Variants in NRG1 observed in about 807,000 individuals in gnomAD.
NRG1 encodes the protein pro-neuregulin-1, membrane-bound isoform.
A neutral mutation model predicts 63.8 loss-of-function variants in NRG1; 18 were observed. That is an observed-to-expected ratio of 0.28 (90% CI 0.19 to 0.42). The LOEUF (loss-of-function observed/expected upper bound fraction) is 0.42. Among genes scored for constraint, NRG1 ranks in the 10% least tolerant of loss-of-function variants. The pLI is 1.00. For synonymous variants in NRG1, 302 were observed against 301.3 expected (o/e 1.00, Z -0.02); for missense variants, 762 against 814.7 (o/e 0.94, Z 0.79).
At chr8:31,894,616 T>A (rs940333228) in intron 1 of NRG1, among the ~76,000 whole-genome samples, 5 of 148,880 alleles carry the variant, frequency 3.4e-5, no homozygotes, top group African/African-American at 1.0e-4. Flanking sequence ...AGTGGTGCGA[T>A]CTTGGCTCAC....
intron 1 of NRG1, among the ~76,000 whole-genome samples, chr8:31,939,047 A>G (rs1301024243): frequency 6.6e-6 from 1 of 152,214 alleles, no homozygotes; most frequent in African/African-American, 2.4e-5. Flanking sequence ...ACATTCAAAT[A>G]CAAGAAGCTC....
At chr8:32,476,370 G>T (rs1563516411) in intron 1 of NRG1, among the ~76,000 whole-genome samples, 1 of 152,168 alleles carries the variant, frequency 6.6e-6, no homozygotes, top group Non-Finnish European at 1.5e-5. Flanking sequence ...TTAATTTATT[G>T]ATTCACCTCC....
chr8:32,079,047 G>A (rs1031956600), intron 1 of NRG1, among the ~76,000 whole-genome samples: 1 of 151,972 alleles, frequency 6.6e-6, no homozygotes, highest in African/African-American at 2.4e-5. Flanking sequence ...GAACTTAAAA[G>A]CTGGGACAGG....
At chr8:32,667,128 T>G (rs1239182063) in intron 5 of NRG1, among the ~76,000 whole-genome samples, 2 of 152,200 alleles carry the variant, frequency 1.3e-5, no homozygotes, top group Non-Finnish European at 2.9e-5. Flanking sequence ...CGATAGAATC[T>G]TTTGCTCCTA....
chr8:32,266,805 G>A (rs1171859222), intron 1 of NRG1, among the ~76,000 whole-genome samples: 12 of 151,348 alleles, frequency 7.9e-5, no homozygotes, highest in Non-Finnish European at 2.9e-5. Flanking sequence ...GAAGGCTGAG[G>A]TGGGTGGATC....
At chr8:32,417,210 G>T (rs960277098) in intron 1 of NRG1, among the ~76,000 whole-genome samples, 10 of 152,114 alleles carry the variant, frequency 6.6e-5, no homozygotes, top group African/African-American at 2.4e-4. Flanking sequence ...TTCTACTCAA[G>T]ATGTAAATAA....
chr8:31,965,071 T>C (rs1278546536), intron 1 of NRG1, among the ~76,000 whole-genome samples: 1 of 152,196 alleles, frequency 6.6e-6, no homozygotes, highest in Non-Finnish European at 1.5e-5. Flanking sequence ...GCCAAGAGCT[T>C]GTTAACATCT....
At chr8:31,920,750 T>G (rs1833829058) in intron 1 of NRG1, among the ~76,000 whole-genome samples, 1 of 152,236 alleles carries the variant, frequency 6.6e-6, no homozygotes. Context: ...AGGGTTGTTG[T>G]GAGGATACTC....
At chr8:32,767,871 T>C (rs1368851979) in exon 12 of NRG1, 4 of 152,220 alleles carry the variant, frequency 2.6e-5, no homozygotes, top group Admixed American at 2.0e-4. Flanking sequence ...TTATTCAAAA[T>C]ACTAAGCAAT....
intron 1 of NRG1, among the ~76,000 whole-genome samples, chr8:32,465,800 A>G (rs182451442): frequency 3.3e-5 from 5 of 152,364 alleles, no homozygotes; most frequent in African/African-American, 7.2e-5. Context: ...TACAGCATAT[A>G]TAGTTCTTTG....
intron 1 of NRG1, among the ~76,000 whole-genome samples, chr8:31,787,335 A>AT (rs1820273476): frequency 6.6e-6 from 1 of 152,174 alleles, no homozygotes; most frequent in South Asian, 2.1e-4. Context: ...CAGGCATTAG[A>AT]TTTTCTGTTG....
chr8:32,302,377 C>T (rs1237286408), intron 1 of NRG1, among the ~76,000 whole-genome samples: 1 of 152,156 alleles, frequency 6.6e-6, no homozygotes, highest in Non-Finnish European at 1.5e-5. Flanking sequence ...ATGGTCCTAG[C>T]TAATAGGTCA....
intron 1 of NRG1, among the ~76,000 whole-genome samples, chr8:32,114,123 T>G (rs1563802221): frequency 6.6e-6 from 1 of 152,254 alleles, no homozygotes; most frequent in Non-Finnish European, 1.5e-5. Flanking sequence ...TACTTACATT[T>G]GTTTGTTTAC....
At chr8:32,474,921 A>G (rs143846654) in intron 1 of NRG1, among the ~76,000 whole-genome samples, 25 of 152,256 alleles carry the variant, frequency 1.6e-4, no homozygotes, top group African/African-American at 4.1e-4. Context: ...TTATTGGTTT[A>G]TTTATGCAAA....
intron 1 of NRG1, among the ~76,000 whole-genome samples, chr8:31,714,781 T>G (rs1812184413): frequency 6.6e-6 from 1 of 152,180 alleles, no homozygotes; most frequent in African/African-American, 2.4e-5. Context: ...TTGCTAACTC[T>G]CTCATTGAAA....
chr8:32,222,034 T>TACACACAC (rs202206585), intron 1 of NRG1, among the ~76,000 whole-genome samples: 10 of 148,586 alleles, frequency 6.7e-5, no homozygotes, highest in African/African-American at 2.2e-4. Flanking sequence ...GAAACATACA[T>TACACACAC]ACACACACAC....
intron 1 of NRG1, among the ~76,000 whole-genome samples, chr8:32,207,705 A>G (rs528597902): frequency 6.6e-6 from 1 of 152,322 alleles, no homozygotes; most frequent in African/African-American, 2.4e-5. Flanking sequence ...ATCCAATTAG[A>G]CAGTTTGAAA....
At chr8:32,209,729 CCTTCCT>C (rs1250649188) in intron 1 of NRG1, among the ~76,000 whole-genome samples, 1 of 112,118 alleles carries the variant, frequency 8.9e-6, no homozygotes, top group African/African-American at 4.1e-5. Context: ...TTCCTTCCTT[CCTTCCT>C]TCCTTCCTTC....
At chr8:32,092,475 A>AAG (rs1043304527) in intron 1 of NRG1, among the ~76,000 whole-genome samples, 6 of 151,452 alleles carry the variant, frequency 4.0e-5, no homozygotes, top group East Asian at 1.9e-4. Flanking sequence ...AAAAAAAAAA[A>AAG]AAAAGAAAAA....
Sources: gnomAD v4.1 joint callset for allele counts (sites outside exome capture counted in the v4.1 genomes callset) on GRCh38, gnomAD v4.1.1 for gene constraint, MANE v1.5 for transcripts, NCBI Gene and HGNC (gene_info 2026-07-23, HGNC 2026-07-21) for gene names.